ASS1: variants seen among roughly 807,000 people sequenced by gnomAD.
The protein encoded by ASS1 is argininosuccinate synthase.
ASS1 carries 58 observed loss-of-function variants against 60.5 expected under a neutral mutation model. That is an observed-to-expected ratio of 0.96 (90% confidence interval 0.78 to 1.19). ASS1 has a LOEUF of 1.19. Among genes scored for constraint, ASS1 ranks in the 50% most tolerant of loss-of-function variants. The pLI is 0.00. For synonymous variants in ASS1, 200 were observed against 206.9 expected, an observed-to-expected ratio of 0.97 and a Z score of 0.29; for missense variants, 454 against 547.3, an observed-to-expected ratio of 0.83 and a Z score of 1.70.
chr9:130,498,054 G>A (rs1846647878), intron 13 of ASS1, among the ~76,000 whole-genome samples: 1 of 152,160 alleles, frequency 6.6e-6, no homozygotes, highest in Non-Finnish European at 1.5e-5. Flanking sequence ...GCATGGGAGT[G>A]ACTCTGCAGA....
intron 3 of ASS1, among the ~76,000 whole-genome samples, chr9:130,456,521 T>C (rs1410027157): frequency 6.6e-6 from 1 of 152,218 alleles, no homozygotes; most frequent in Non-Finnish European, 1.5e-5. Flanking sequence ...CTAATGTTTT[T>C]TATATATCCT....
At position 130,500,975 on chromosome 9, in the gene ASS1, G is replaced by C. The variant is rs727503814; in HGVS notation, c.1194-1G>C. ...TTCTTTGTTTTGAATCTGGTTTACA[G>C]GCTGAAGGAATATCATCGTCTCCAG... On this transcript the variant is annotated splice_acceptor_variant, in intron 14 of 14. Transcript: ENST00000352480. LOFTEE classifies it high-confidence loss of function. The C allele has an allele frequency of 6.1e-5, 98 of 1,613,572 alleles. No individual in the cohort carries two copies. Among genetic ancestry groups the C allele is most frequent in the Non-Finnish European group, 8.0e-5 (94 of 1,179,812 alleles).
chr9:130,487,948 T>A (rs1846347799), intron 11 of ASS1, among the ~76,000 whole-genome samples: 1 of 152,032 alleles, frequency 6.6e-6, no homozygotes, highest in Admixed American at 6.6e-5. Flanking sequence ...AGAGACGGGG[T>A]TTCACCATGT....
intron 8 of ASS1, 125 bp downstream of exon 8, chr9:130,471,640 G>C: frequency 8.6e-7 from 1 of 1,156,840 alleles, no homozygotes; most frequent in Non-Finnish European, 1.3e-6. Context: ...TGGGGCTGGG[G>C]CCGAGCCCTG....
Position 130,464,022 on chromosome 9 carries a change from G to A in ASS1, c.364-89G>A, listed in dbSNP as rs184443727. 139 of 1,433,336 alleles carry A rather than the reference G, an allele frequency of 9.7e-5. No individual in the cohort carries two copies. In the African/African-American group the frequency reaches 1.6e-3, roughly 17 times the overall value. 88.8% of individuals were successfully genotyped at this position (1,433,336 alleles called of 1,614,324 possible). On this transcript the variant is annotated intron_variant, in intron 4 of 14. Transcript: ENST00000352480. ...ACACGCTCTGCCCAGCTCTGTCTCCGCCACGGGCTGTCCTTGTCCTCACGT... is the reference window on the plus strand; with the variant it reads ...ACACGCTCTGCCCAGCTCTGTCTCCACCACGGGCTGTCCTTGTCCTCACGT...
chr9:130,486,354 G>T (rs1304919109), intron 11 of ASS1, among the ~76,000 whole-genome samples: 1 of 152,160 alleles, frequency 6.6e-6, no homozygotes, highest in African/African-American at 2.4e-5. Flanking sequence ...GCCTCCCAAA[G>T]TTCTGGGATT....
intron 9 of ASS1, among the ~76,000 whole-genome samples, chr9:130,479,299 G>A (rs1355447313): frequency 2.0e-5 from 3 of 152,186 alleles, no homozygotes; most frequent in African/African-American, 7.2e-5. Flanking sequence ...GTGTGTGTGT[G>A]TGTGTGAGCG....
chr9:130,464,235 C>G (rs368396528), intron 5 of ASS1, 68 bp downstream of exon 5: 6 of 1,561,318 alleles, frequency 3.8e-6, no homozygotes, highest in Non-Finnish European at 5.3e-6. Flanking sequence ...GAGGAGGGCA[C>G]AGGGTTCTGG....
At position 130,476,895 on chromosome 9, in the gene ASS1, A is replaced by G. The variant is rs62637575; in HGVS notation, c.622A>G (p.Thr208Ala). Residue 208 changes from threonine (T) to alanine (A), a missense_variant, in exon 9 of 15, where the codon ACG becomes GCG. Coordinates refer to ENST00000352480, the MANE Select transcript of ASS1 (RefSeq NM_054012.4). This position sits in a 1 kb window ranked among gnomAD's most constrained non-coding sequence, Gnocchi z 4.9. ...GAACCAAGCGCCTCCAGGTCTCTACACGAAGACCCAGGACCCAGCCAAAGC... is the reference window on the plus strand; with the variant it reads ...GAACCAAGCGCCTCCAGGTCTCTACGCGAAGACCCAGGACCCAGCCAAAGC... ...PKNQAPPGLYTKTQDPAKAPN... is the reference protein window; with the variant it reads ...PKNQAPPGLYAKTQDPAKAPN... 734 of 1,614,032 alleles carry G rather than the reference A, an allele frequency of 4.5e-4. 6 individuals are homozygous for G. The African/African-American group carries it at 8.8e-3, about 19-fold the overall frequency.
chr9:130,491,590 G>A lies in ASS1; in HGVS notation c.970+2126G>A, dbSNP rs184042387. 6.6e-6 allele frequency among the ~76,000 whole-genome samples: 1 copy of A among 152,326 alleles called. No individual in the cohort carries two copies. Among genetic ancestry groups the A allele is most frequent in the African/African-American group, 2.4e-5 (1 of 41,584 alleles). ...TACTCCAACAGATTCCAGGATGCTCGTGATCAAGGGGCACGGCGGCACAGA... is the reference window on the plus strand; with the variant it reads ...TACTCCAACAGATTCCAGGATGCTCATGATCAAGGGGCACGGCGGCACAGA... On this transcript the variant is annotated intron_variant, in intron 12 of 14. Transcript: ENST00000352480. The surrounding 1 kb of genome is among the most constrained non-coding windows in gnomAD (Gnocchi z 5.3).
rs1846533407 is a variant in ASS1, at chr9:130,494,584, G to A, written c.971-283G>A. ...CCTGTGGCACTTCCTGAATGCCTAT[G>A]GCATGAAGCAGTGGGTCACTTCCCT... On this transcript the variant is annotated intron_variant, in intron 12 of 14. Coordinates refer to ENST00000352480, the MANE Select transcript of ASS1 (RefSeq NM_054012.4). This position sits in a 1 kb window ranked among gnomAD's most constrained non-coding sequence, Gnocchi z 4.3. Among the ~76,000 whole-genome samples, 1 of 152,226 alleles carries A rather than the reference G, an allele frequency of 6.6e-6. No individual in the cohort carries two copies. The highest frequency in any genetic ancestry group is 2.1e-4 in the South Asian group (1 of 4,834).
chr9:130,489,555 A>G lies in ASS1; in HGVS notation c.970+91A>G. 6.3e-7 allele frequency: 1 copy of G among 1,590,572 alleles called. No individual in the cohort carries two copies. The highest frequency in any genetic ancestry group is 8.6e-7 in the Non-Finnish European group (1 of 1,162,720). ...TCTCGGGCCTGGCCCTCCCCTCCGTATCAGCACCTTCCTCCCCTGCCGCCC... is the reference window on the plus strand; with the variant it reads ...TCTCGGGCCTGGCCCTCCCCTCCGTGTCAGCACCTTCCTCCCCTGCCGCCC... On this transcript the variant is annotated intron_variant, in intron 12 of 14. Transcript: ENST00000352480. The surrounding 1 kb of genome is among the most constrained non-coding windows in gnomAD (Gnocchi z 4.1).
chr9:130,484,743 A>G (rs1846261428), intron 11 of ASS1, among the ~76,000 whole-genome samples: 1 of 151,682 alleles, frequency 6.6e-6, no homozygotes, highest in African/African-American at 2.4e-5. Flanking sequence ...GAAGAAACAC[A>G]CAGAAATCAT....
chr9:130,454,977 C>T (rs146428959), intron 3 of ASS1, among the ~76,000 whole-genome samples: 1 of 146,588 alleles, frequency 6.8e-6, no homozygotes, highest in African/African-American at 2.5e-5. Context: ...TCCATCCATC[C>T]TCCGTCCATT....
Position 130,489,411 on chromosome 9 carries a change from T to G in ASS1, c.917T>G (p.Val306Gly). 1.9e-6 allele frequency: 3 copies of G among 1,614,066 alleles called. No homozygotes were observed. Among genetic ancestry groups the G allele is most frequent in the Non-Finnish European group, 2.5e-6 (3 of 1,180,016 alleles). Reference sequence around the variant, plus strand: ...GAGGCCTTCACCATGGACCGGGAAGTGCGCAAAATCAAACAAGGCCTGGGC... The same window carrying G: ...GAGGCCTTCACCATGGACCGGGAAGGGCGCAAAATCAAACAAGGCCTGGGC... ...DIEAFTMDRE[V>G]RKIKQGLGLK... The change falls in exon 12 of 15, where the codon GTG becomes GGG. Residue 306 changes from valine to glycine, a missense_variant. By Grantham distance (109) the Val-to-Gly change is moderately radical. Coordinates refer to ENST00000352480, the MANE Select transcript of ASS1 (RefSeq NM_054012.4). The surrounding 1 kb of genome is among the most constrained non-coding windows in gnomAD (Gnocchi z 4.1).
chr9:130,481,740 G>A lies in ASS1; in HGVS notation c.838+1291G>A, dbSNP rs111230218. The stretch of plus-strand genomic sequence containing the variant: ...AAGGCATGGCAGCATGGACCGGGGC[G>A]GGGACGGGCTTGCCTCGAAAGACAT... On this transcript the variant is annotated intron_variant, in intron 11 of 14. Coordinates refer to ENST00000352480, the MANE Select transcript of ASS1 (RefSeq NM_054012.4). Among the ~76,000 whole-genome samples, 948 of 152,322 alleles carry A rather than the reference G, an allele frequency of 6.2e-3. 8 individuals carry two copies. The highest frequency in any genetic ancestry group is 0.022 in the African/African-American group (924 of 41,568).
At chr9:130,471,723 C>G (rs1043660180) in intron 8 of ASS1, among the ~76,000 whole-genome samples, 26 of 152,322 alleles carry the variant, frequency 1.7e-4, no homozygotes, top group African/African-American at 5.3e-4. Context: ...GACCTCCCCC[C>G]GCCCTTCCTC....
intron 1 of ASS1, chr9:130,445,268 C>G: frequency 1.1e-6 from 1 of 946,736 alleles, no homozygotes; most frequent in Non-Finnish European, 1.3e-6. Context: ...GTCCGAAGAG[C>G]GGCTCGGGTT....
At chr9:130,493,997 A>T (rs1313438435) in intron 12 of ASS1, among the ~76,000 whole-genome samples, 1 of 152,082 alleles carries the variant, frequency 6.6e-6, no homozygotes, top group Non-Finnish European at 1.5e-5. Flanking sequence ...GGGCCAACAC[A>T]AGTCAAATGG....
Sources: allele counts gnomAD v4.1 joint callset (sites outside exome capture counted in the v4.1 genomes callset), GRCh38; gene constraint gnomAD v4.1.1; non-coding constraint Gnocchi (gnomAD v3.1); transcripts MANE v1.5; gene names NCBI Gene and HGNC (gene_info 2026-07-23, HGNC 2026-07-21).